The following FGF10 variants were observed in gnomAD, a reference collection of about 807,000 sequenced individuals.
FGF10 encodes FGF-10.
A neutral mutation model predicts 19.8 loss-of-function variants in FGF10; 2 were observed. The observed-to-expected ratio is 0.10, with a 90% CI of 0.04 to 0.32. FGF10 has a LOEUF of 0.32. Ranked by LOEUF, FGF10 falls within the 10% of genes least tolerant of loss-of-function variation. FGF10 has a pLI of 1.00. For missense variants in FGF10, 191 were observed against 246.3 expected, an observed-to-expected ratio of 0.78 and a Z score of 1.50; for synonymous variants, 112 against 94.0, an observed-to-expected ratio of 1.19 and a Z score of -1.10.
intron 1 of FGF10, among the ~76,000 whole-genome samples, chr5:44,359,471 T>C (rs534268192): frequency 1.3e-5 from 2 of 151,604 alleles, no homozygotes; most frequent in African/African-American, 2.4e-5. Flanking sequence ...AAAATGTGAA[T>C]TAGATAAATC....
chr5:44,371,035 G>C (rs1350124130), intron 1 of FGF10, among the ~76,000 whole-genome samples: 1 of 152,106 alleles, frequency 6.6e-6, no homozygotes, highest in South Asian at 2.1e-4. Flanking sequence ...CATTTGCTAT[G>C]GTTTGAATAT....
In FGF10 at chr5:44,305,180, T is replaced by A; in HGVS notation, c.442A>T (p.Asn148Tyr). 6.2e-7 allele frequency: 1 copy of A among 1,613,622 alleles called. No individual in the cohort carries two copies. Among genetic ancestry groups the A allele is most frequent in the Non-Finnish European group, 8.5e-7 (1 of 1,179,634 alleles). The change falls in exon 3 of 3, where the codon AAT (asparagine) becomes TAT (tyrosine). Residue 148 changes from asparagine to tyrosine, a missense_variant. Around this residue, in one of 2 missense-constraint regions of FGF10, gnomAD observed 99 missense variants for 161.7 expected, o/e 0.61. Transcript: ENST00000264664. ...ATCCTCTCCTTCAGCTTACAGTCATTGTTAAATTCTTTCTGCAAAGGAAAA... is the reference window on the plus strand; with the variant it reads ...ATCCTCTCCTTCAGCTTACAGTCATAGTTAAATTCTTTCTGCAAAGGAAAA... ...GKLYGSKEFNNDCKLKERIEE... is the reference protein window; with the variant it reads ...GKLYGSKEFNYDCKLKERIEE...
chr5:44,362,753 T>C (rs1456175078), intron 1 of FGF10, among the ~76,000 whole-genome samples: 1 of 151,594 alleles, frequency 6.6e-6, no homozygotes, highest in Non-Finnish European at 1.5e-5. Flanking sequence ...CTTTACCCTC[T>C]GCTAAAGAAA....
intron 1 of FGF10, among the ~76,000 whole-genome samples, chr5:44,363,619 G>A (rs1741539865): frequency 6.6e-6 from 1 of 151,836 alleles, no homozygotes; most frequent in Non-Finnish European, 1.5e-5. Context: ...AATAGAGCAT[G>A]AAGGATTCAC....
intron 1 of FGF10, among the ~76,000 whole-genome samples, chr5:44,323,331 T>C (rs1740540295): frequency 6.6e-6 from 1 of 152,180 alleles, no homozygotes. Flanking sequence ...AGTACTTTCA[T>C]AGAAATTAGT....
intron 1 of FGF10, among the ~76,000 whole-genome samples, chr5:44,377,762 T>C (rs1741898942): frequency 6.6e-6 from 1 of 152,360 alleles, no homozygotes; most frequent in East Asian, 1.9e-4. Context: ...ATACATAATG[T>C]GATATCTTGG....
chr5:44,349,381 CA>C (rs1741164651), intron 1 of FGF10, among the ~76,000 whole-genome samples: 1 of 126,666 alleles, frequency 7.9e-6, no homozygotes, highest in South Asian at 2.4e-4. Context: ...ATACTTTTAA[CA>C]ATGATAATTC....
chr5:44,314,079 G>A (rs1445585372), intron 1 of FGF10, among the ~76,000 whole-genome samples: 1 of 152,074 alleles, frequency 6.6e-6, no homozygotes, highest in Non-Finnish European at 1.5e-5. Context: ...TTGGAGATGA[G>A]ACCTGAACTG....
chr5:44,305,007 C>T lies in FGF10; in HGVS notation c.615G>A (p.Val205=), dbSNP rs1740043438. 1 of 1,613,762 alleles carries T rather than the reference C, an allele frequency of 6.2e-7. No homozygotes were observed. The highest frequency in any genetic ancestry group is 1.7e-5 in the Admixed American group (1 of 59,988). Residue 205 remains valine (V), a synonymous_variant, in exon 3 of 3, where the codon GTG becomes GTA. Coordinates refer to ENST00000264664, the MANE Select transcript of FGF10 (RefSeq NM_004465.2). ...KNTSAHFLPM[V]VHS The stretch of plus-strand genomic sequence containing the variant: ...ACGTTGCCTTCCTCTATGAGTGTAC[C>T]ACCATTGGAAGAAAGTGAGCAGAGG...
intron 1 of FGF10, among the ~76,000 whole-genome samples, chr5:44,331,747 T>A (rs1740740160): frequency 6.6e-6 from 1 of 152,018 alleles, no homozygotes; most frequent in Non-Finnish European, 1.5e-5. Flanking sequence ...ACATGTGGGA[T>A]TGAAAATTAA....
At chr5:44,363,905 A>T (rs339502) in intron 1 of FGF10, among the ~76,000 whole-genome samples, 99,209 of 151,642 alleles carry the variant, frequency 0.65, 32,693 homozygotes, top group South Asian at 0.71. Context: ...ATAGCCCTGG[A>T]TCACATGGTA....
intron 1 of FGF10, among the ~76,000 whole-genome samples, chr5:44,374,322 T>C (rs1741808002): frequency 6.6e-6 from 1 of 152,118 alleles, no homozygotes. Context: ...GACAATAATC[T>C]CCTCATTTCA....
chr5:44,340,671 A>G (rs1049331289), intron 1 of FGF10, among the ~76,000 whole-genome samples: 1 of 152,000 alleles, frequency 6.6e-6, no homozygotes, highest in Admixed American at 6.6e-5. Flanking sequence ...TGAAATTCTG[A>G]AAGAAAATGC....
At chr5:44,380,161 G>T (rs566237249) in intron 1 of FGF10, among the ~76,000 whole-genome samples, 1 of 152,192 alleles carries the variant, frequency 6.6e-6, no homozygotes, top group African/African-American at 2.4e-5. Context: ...ATGTAAATCA[G>T]TGTCCATATG....
intron 1 of FGF10, among the ~76,000 whole-genome samples, chr5:44,385,204 T>A (rs1235297921): frequency 6.6e-6 from 1 of 152,308 alleles, no homozygotes; most frequent in African/African-American, 2.4e-5. Flanking sequence ...AATTCATCTC[T>A]GCTCTCTTTA....
At chr5:44,319,638 T>G (rs114802370) in intron 1 of FGF10, among the ~76,000 whole-genome samples, 2,839 of 152,306 alleles carry the variant, frequency 0.019, 35 homozygotes, top group Middle Eastern at 0.044. Context: ...GAATAATACA[T>G]AATTGGCCTC....
chr5:44,357,576 G>A (rs1196339506), intron 1 of FGF10, among the ~76,000 whole-genome samples: 1 of 151,352 alleles, frequency 6.6e-6, no homozygotes, highest in Non-Finnish European at 1.5e-5. Flanking sequence ...GAGGTAATAG[G>A]CACATGAGGC....
At position 44,305,038 on chromosome 5, in the gene FGF10, T is replaced by C. The variant is rs1165118219; in HGVS notation, c.584A>G (p.Lys195Arg). ...APRRGQKTRR[K>R]NTSAHFLPMV... ...TGGAAGAAAGTGAGCAGAGGTGTTT[T>C]TCCTTCGTGTTTTCTGTCCTCTCCT... The change falls in exon 3 of 3, where the codon AAA becomes AGA. Residue 195 changes from lysine to arginine, a missense_variant. Around this residue, in one of 2 missense-constraint regions of FGF10, gnomAD observed 99 missense variants for 161.7 expected, o/e 0.61. Transcript: ENST00000264664. 1 of 1,613,884 alleles carries C rather than the reference T, an allele frequency of 6.2e-7. No homozygotes were observed. Among genetic ancestry groups the C allele is most frequent in the African/African-American group, 1.3e-5 (1 of 74,912 alleles).
At chr5:44,344,568 C>CTCTCTGTGTGTGTGTG (rs1554037820) in intron 1 of FGF10, among the ~76,000 whole-genome samples, 8 of 126,854 alleles carry the variant, frequency 6.3e-5, no homozygotes, top group African/African-American at 2.1e-4. Flanking sequence ...TTTGTTTTCT[C>CTCTCTGTGTGTGTGTG]TGTGTGTGTG....
Sources: gnomAD v4.1 joint callset for allele counts (sites outside exome capture counted in the v4.1 genomes callset) on GRCh38, gnomAD v4.1.1 for gene constraint, gnomAD v4.1.1 regional missense constraint, MANE v1.5 for transcripts, NCBI Gene and HGNC (gene_info 2026-07-23, HGNC 2026-07-21) for gene names.